The following ITGA9 variants were observed in gnomAD, a reference collection of about 807,000 sequenced individuals.
ITGA9 encodes integrin subunit alpha 9, also known as integrin alpha-9.
Under a neutral mutation model 127.8 loss-of-function variants are expected in ITGA9, and 56 were observed. The ratio of observed to expected loss-of-function variants is 0.44; its 90% CI spans 0.35 to 0.55. ITGA9 has a LOEUF of 0.55. Among genes scored for constraint, ITGA9 ranks in the 20% least tolerant of loss-of-function variants. The probability of loss-of-function intolerance (pLI) is 0.00; values close to 1 mark genes in which losing one functional copy is unlikely to be tolerated. For synonymous variants in ITGA9, 508 were observed against 514.5 expected (o/e 0.99, Z 0.17); for missense variants, 1,196 against 1,347.1 (o/e 0.89, Z 1.76).
chr3:37,541,983 G>A (rs1185935900), intron 14 of ITGA9, among the ~76,000 whole-genome samples: 2 of 152,170 alleles, frequency 1.3e-5, no homozygotes, highest in Non-Finnish European at 2.9e-5. Flanking sequence ...CTTGTGTTGG[G>A]CATAAACCAT....
At chr3:37,764,385 A>G (rs1696754817) in intron 23 of ITGA9, among the ~76,000 whole-genome samples, 1 of 144,518 alleles carries the variant, frequency 6.9e-6, no homozygotes, top group Non-Finnish European at 1.5e-5. Context: ...TGAGAACTTT[A>G]GTCCTAATAA....
In ITGA9 at chr3:37,601,607, A is replaced by C. The variant is rs567080485; in HGVS notation, c.1690-27580A>C. Among the ~76,000 whole-genome samples, 355 of 152,330 alleles carry C rather than the reference A, an allele frequency of 2.3e-3. 1 individual carries two copies. The highest frequency in any genetic ancestry group is 8.1e-3 in the African/African-American group (337 of 41,582). ...ACATTTTTCTGAGAATTCCAGAAAG[A>C]ATATTGATAATTTTCAGACACCATG... On this transcript the variant is annotated intron_variant, in intron 15 of 27. Transcript: ENST00000264741.
intron 4 of ITGA9, among the ~76,000 whole-genome samples, chr3:37,492,025 T>A (rs552517945): frequency 6.6e-6 from 1 of 152,300 alleles, no homozygotes; most frequent in South Asian, 2.1e-4. Flanking sequence ...CCACTAACTT[T>A]CCTAGACTAG....
intron 18 of ITGA9, among the ~76,000 whole-genome samples, chr3:37,726,287 A>T (rs1696200281): frequency 6.6e-6 from 1 of 152,254 alleles, no homozygotes; most frequent in African/African-American, 2.4e-5. Flanking sequence ...ACAAATTGCC[A>T]GACTGACAGT....
chr3:37,769,817 GA>G (rs1190287940), intron 23 of ITGA9, among the ~76,000 whole-genome samples: 1 of 152,160 alleles, frequency 6.6e-6, no homozygotes, highest in Non-Finnish European at 1.5e-5. Flanking sequence ...GAAATTTGTA[GA>G]CAAGATTTAT....
At chr3:37,645,639 C>A (rs1431538788) in intron 16 of ITGA9, among the ~76,000 whole-genome samples, 1 of 152,142 alleles carries the variant, frequency 6.6e-6, no homozygotes, top group East Asian at 1.9e-4. Flanking sequence ...ATTATTCAGT[C>A]CAATTCTTCT....
chr3:37,690,055 C>T (rs1700816687), intron 18 of ITGA9, among the ~76,000 whole-genome samples: 5 of 152,250 alleles, frequency 3.3e-5, no homozygotes. Context: ...CAAGTCATTA[C>T]CACAGTGGCT....
chr3:37,715,741 C>T (rs185854365), intron 18 of ITGA9, among the ~76,000 whole-genome samples: 21 of 152,226 alleles, frequency 1.4e-4, no homozygotes, highest in East Asian at 5.8e-4. Flanking sequence ...TGAGATAGGA[C>T]GAGAGATTCC....
chr3:37,574,832 G>C (rs1000764164), intron 15 of ITGA9, among the ~76,000 whole-genome samples: 1 of 152,136 alleles, frequency 6.6e-6, no homozygotes, highest in Non-Finnish European at 1.5e-5. Flanking sequence ...GTCACACTGG[G>C]AGAGCAGGTC....
chr3:37,714,059 A>G (rs575237498), intron 18 of ITGA9, among the ~76,000 whole-genome samples: 2 of 152,368 alleles, frequency 1.3e-5, no homozygotes, highest in Non-Finnish European at 2.9e-5. Context: ...CCATCAGGAC[A>G]GTCACAGGGG....
intron 19 of ITGA9, among the ~76,000 whole-genome samples, 183 bp from the exon 20 acceptor site, chr3:37,736,721 A>G (rs1696367100): frequency 6.6e-6 from 1 of 152,332 alleles, no homozygotes; most frequent in South Asian, 2.1e-4. Context: ...TGGCCAGAGT[A>G]TGTGTCAGGC....
chr3:37,490,050 A>G (rs1698653934), intron 4 of ITGA9, among the ~76,000 whole-genome samples: 1 of 143,468 alleles, frequency 7.0e-6, no homozygotes, highest in Admixed American at 7.1e-5. Context: ...AGAGCAGACT[A>G]CGATCCTGAG....
chr3:37,660,008 A>C (rs200694998), intron 17 of ITGA9, among the ~76,000 whole-genome samples: 1 of 130,418 alleles, frequency 7.7e-6, no homozygotes, highest in East Asian at 2.3e-4. Context: ...ACACACGCAC[A>C]CACACACACA....
intron 4 of ITGA9, among the ~76,000 whole-genome samples, chr3:37,487,505 A>G (rs1698623186): frequency 6.6e-6 from 1 of 152,224 alleles, no homozygotes; most frequent in African/African-American, 2.4e-5. Flanking sequence ...CCTAAACTGC[A>G]TCTTTTGTTT....
intron 16 of ITGA9, among the ~76,000 whole-genome samples, 196 bp from the exon 17 acceptor site, chr3:37,653,518 A>G (rs961737179): frequency 6.6e-6 from 1 of 152,184 alleles, no homozygotes; most frequent in Non-Finnish European, 1.5e-5. Context: ...AATCAAAACC[A>G]CAGTTGACTT....
chr3:37,550,525 A>G lies in ITGA9; in HGVS notation c.1689+7940A>G, dbSNP rs148524889. 3.9e-5 allele frequency among the ~76,000 whole-genome samples: 6 copies of G among 152,322 alleles called. No homozygotes were observed. The South Asian group carries it at 8.3e-4, about 21-fold the overall frequency. ...TTTCCCTGGTGTAAATATTCTTATC[A>G]TGTCTGATTTCAAGCTACCAATGAG... On this transcript the variant is annotated intron_variant, in intron 15 of 27. Coordinates refer to ENST00000264741, the MANE Select transcript of ITGA9 (RefSeq NM_002207.3).
intron 12 of ITGA9, among the ~76,000 whole-genome samples, chr3:37,524,714 A>T (rs1347086685): frequency 6.6e-6 from 1 of 152,062 alleles, no homozygotes; most frequent in East Asian, 1.9e-4. Flanking sequence ...CACTTTATAA[A>T]CAAGGATGCT....
At chr3:37,812,896 A>G (rs762515535) in intron 27 of ITGA9, among the ~76,000 whole-genome samples, 61 of 152,264 alleles carry the variant, frequency 4.0e-4, no homozygotes, top group Non-Finnish European at 7.5e-4. Context: ...AGCTTAGCCC[A>G]TCATTAATCA....
chr3:37,487,434 G>C (rs890260392), intron 4 of ITGA9, among the ~76,000 whole-genome samples: 4 of 152,090 alleles, frequency 2.6e-5, no homozygotes, highest in Non-Finnish European at 5.9e-5. Flanking sequence ...TTTTAATCTT[G>C]GGCAAACCTG....
Sources: allele counts gnomAD v4.1 joint callset (sites outside exome capture counted in the v4.1 genomes callset), GRCh38; gene constraint gnomAD v4.1.1; transcripts MANE v1.5; gene names NCBI Gene and HGNC (gene_info 2026-07-23, HGNC 2026-07-21).